ITK: variants seen among roughly 807,000 people sequenced by gnomAD.
ITK encodes IL2 inducible T cell kinase.
In ITK, 45 loss-of-function variants were observed where a neutral mutation model predicts 87.6. That is an observed-to-expected ratio of 0.51 (90% confidence interval 0.40 to 0.66). ITK has a LOEUF of 0.66. Ranked by LOEUF, ITK falls within the 30% of genes least tolerant of loss-of-function variation. ITK has a pLI of 0.00. For synonymous variants in ITK, 303 were observed against 273.6 expected, an observed-to-expected ratio of 1.11 and a Z score of -1.06; for missense variants, 605 against 766.3, an observed-to-expected ratio of 0.79 and a Z score of 2.48.
At chr5:157,196,131 G>C (rs750261258) in intron 1 of ITK, among the ~76,000 whole-genome samples, 1 of 152,156 alleles carries the variant, frequency 6.6e-6, no homozygotes, top group African/African-American at 2.4e-5. Context: ...AAATTATTCA[G>C]CCCAAAATGT....
At chr5:157,210,658 A>G (rs1754172005) in intron 2 of ITK, among the ~76,000 whole-genome samples, 2 of 148,610 alleles carry the variant, frequency 1.3e-5, no homozygotes, top group African/African-American at 4.9e-5. Context: ...CTCGTCATCT[A>G]GCATTGGGTA....
intron 6 of ITK, among the ~76,000 whole-genome samples, chr5:157,224,052 G>A (rs1336369275): frequency 2.0e-5 from 3 of 152,168 alleles, no homozygotes; most frequent in African/African-American, 4.8e-5. Flanking sequence ...GGGAGGCCAA[G>A]GTGAGTGCAT....
chr5:157,238,109 G>T lies in ITK; in HGVS notation c.769G>T (p.Gly257Cys), dbSNP rs972060964. Residue 257 changes from glycine to cysteine, a missense_variant and splice_region_variant, in exon 9 of 17, where the codon GGC becomes TGC. By Grantham distance (159) the Gly-to-Cys change is radical. Around this residue, in one of 3 missense-constraint regions of ITK, gnomAD observed 464 missense variants for 578.0 expected, o/e 0.80. Transcript: ENST00000422843. Reference sequence around the variant, plus strand: ...TTTCCATTCTTTCTAACCATTCCAGGGCAAAGAAGGAGCCTTCATGGTAAG... The same window carrying T: ...TTTCCATTCTTTCTAACCATTCCAGTGCAAAGAAGGAGCCTTCATGGTAAG... ...DKAEKLLLDTGKEGAFMVRDS... is the reference protein window; with the variant it reads ...DKAEKLLLDTCKEGAFMVRDS... The T allele has an allele frequency of 6.2e-7, 1 of 1,611,454 alleles. No homozygotes were observed. The highest frequency in any genetic ancestry group is 8.5e-7 in the Non-Finnish European group (1 of 1,177,742).
At chr5:157,208,605 A>G (rs903282574) in intron 1 of ITK, among the ~76,000 whole-genome samples, 3 of 152,178 alleles carry the variant, frequency 2.0e-5, no homozygotes, top group Non-Finnish European at 4.4e-5. Flanking sequence ...AGTTCTGCCA[A>G]TGCTGCCATT....
intron 5 of ITK, 23 bp downstream of exon 5, chr5:157,217,930 G>A: frequency 1.2e-6 from 2 of 1,607,744 alleles, no homozygotes; most frequent in East Asian, 2.2e-5. Flanking sequence ...GCTAGCTCCG[G>A]GTGCAGGTGG....
chr5:157,181,316 T>G (rs760801581), intron 1 of ITK, among the ~76,000 whole-genome samples: 24 of 152,206 alleles, frequency 1.6e-4, no homozygotes, highest in Non-Finnish European at 2.9e-4. Flanking sequence ...CTAGGTGATT[T>G]CAGTTCTAAA....
chr5:157,248,238 A>C (rs894588070), intron 15 of ITK, among the ~76,000 whole-genome samples: 7 of 152,244 alleles, frequency 4.6e-5, no homozygotes, highest in African/African-American at 1.7e-4. Context: ...ATATCAGCAC[A>C]TGATAAAGAC....
At chr5:157,245,242 AAAAT>A in intron 13 of ITK, 2 of 192,910 alleles carry the variant, frequency 1.0e-5, no homozygotes, top group East Asian at 1.5e-4. Context: ...AAAAAAAAAA[AAAAT>A]TGAGACACAC....
chr5:157,223,445 T>C (rs970629492), intron 6 of ITK, among the ~76,000 whole-genome samples: 2 of 152,238 alleles, frequency 1.3e-5, no homozygotes, highest in African/African-American at 4.8e-5. Flanking sequence ...GATTGATAGT[T>C]ATGTTAGGAC....
intron 10 of ITK, chr5:157,240,903 CT>C (rs1350931374): frequency 2.0e-5 from 3 of 151,968 alleles, no homozygotes; most frequent in Middle Eastern, 6.9e-3. Flanking sequence ...TAGGGCTTTT[CT>C]TTTCTTTTCT....
intron 8 of ITK, among the ~76,000 whole-genome samples, chr5:157,233,963 A>ATATATATATAT (rs1561661196): frequency 9.0e-5 from 2 of 22,294 alleles, no homozygotes; most frequent in African/African-American, 1.5e-4. Context: ...ATATATATAT[A>ATATATATATAT]TTTTTTTTTT....
At position 157,238,060 on chromosome 5, in the gene ITK, GCCTGGTTT is replaced by G. The variant is rs3214572; in HGVS notation, c.769-44_769-37del. 3.6e-4 allele frequency: 518 copies of G among 1,423,218 alleles called. 7 individuals are homozygous for G. In the East Asian group the frequency reaches 0.012, roughly 32 times the overall value. The allele number at this position is 1,423,218 out of a possible 1,614,324, so 88.2% of individuals were successfully genotyped here. A position where few individuals can be genotyped will look rare whatever the true frequency, so the allele number is the denominator to read the frequency against. ...CAAGAAAGTGGAGCTGGAGGCATAA[GCCTGGTTT>G]CCTGAGATCACTAACTTTCCATTCT... is the stretch of plus-strand genomic sequence containing the variant. On this transcript the variant is annotated intron_variant, in intron 8 of 16. Coordinates refer to ENST00000422843, the MANE Select transcript of ITK (RefSeq NM_005546.4).
Position 157,253,448 on chromosome 5 carries a change from T to C in ITK, c.*770T>C, listed in dbSNP as rs907624186. ...GAGAACCTCTGACGGTGGAGAACCA[T>C]GTGGTGCAAGAAGAGATCTTAGGTC... On this transcript the variant is annotated 3_prime_UTR_variant, in exon 17 of 17. Transcript: ENST00000422843. 2 of 225,222 alleles carry C rather than the reference T, an allele frequency of 8.9e-6. No individual in the cohort carries two copies. The highest frequency in any genetic ancestry group is 1.8e-5 in the Non-Finnish European group (2 of 113,186). The allele number at this position is 225,222 out of a possible 1,614,324, so 14.0% of individuals were successfully genotyped here.
chr5:157,204,414 T>C lies in ITK; in HGVS notation c.139-4475T>C, dbSNP rs147705990. 5.2e-3 allele frequency among the ~76,000 whole-genome samples: 795 copies of C among 151,858 alleles called. 6 individuals are homozygous for C. Among genetic ancestry groups the C allele is most frequent in the African/African-American group, 0.018 (743 of 41,400 alleles). ...CATCTCTACTAAAATACAAAAAAAATTGGGGACCAGCGCAGTGACTCACGC... is the reference window on the plus strand; with the variant it reads ...CATCTCTACTAAAATACAAAAAAAACTGGGGACCAGCGCAGTGACTCACGC... On this transcript the variant is annotated intron_variant, in intron 1 of 16. Transcript: ENST00000422843.
intron 16 of ITK, among the ~76,000 whole-genome samples, chr5:157,251,792 T>C (rs1755142943): frequency 6.6e-6 from 1 of 152,238 alleles, no homozygotes; most frequent in Non-Finnish European, 1.5e-5. Context: ...CTTTGTTAAA[T>C]GTTAGTTTAC....
At chr5:157,187,476 G>T (rs1753667429) in intron 1 of ITK, among the ~76,000 whole-genome samples, 1 of 152,182 alleles carries the variant, frequency 6.6e-6, no homozygotes, top group Non-Finnish European at 1.5e-5. Context: ...AAATAGAGAA[G>T]GTTCAATACC....
chr5:157,226,523 AC>A (rs1271824447), intron 6 of ITK, among the ~76,000 whole-genome samples: 1 of 152,214 alleles, frequency 6.6e-6, no homozygotes, highest in Non-Finnish European at 1.5e-5. Flanking sequence ...TGCCTTGAGC[AC>A]TGTATGAAGG....
intron 6 of ITK, among the ~76,000 whole-genome samples, chr5:157,224,758 G>C (rs1248980926): frequency 6.6e-6 from 1 of 152,130 alleles, no homozygotes; most frequent in East Asian, 1.9e-4. Flanking sequence ...TCCAGCCTGG[G>C]AGACAGAATG....
In ITK at chr5:157,209,004, C is replaced by G. The variant is rs1192980170; in HGVS notation, c.243+11C>G. The G allele has an allele frequency of 2.6e-6, 4 of 1,554,668 alleles. No individual in the cohort carries two copies. The South Asian group carries it at 4.4e-5, about 17-fold the overall frequency. ...AAATACCCGTTTCAGGTAAGTCCAT[C>G]AGGTGGGTAGTTCCCCATTCCCTGG... On this transcript the variant is annotated intron_variant, in intron 2 of 16. Transcript: ENST00000422843.
Sources: gnomAD v4.1 joint callset for allele counts (sites outside exome capture counted in the v4.1 genomes callset) on GRCh38, gnomAD v4.1.1 for gene constraint, gnomAD v4.1.1 regional missense constraint, MANE v1.5 for transcripts, NCBI Gene and HGNC (gene_info 2026-07-23, HGNC 2026-07-21) for gene names.